UBL3: variants seen among roughly 807,000 people sequenced by gnomAD.
UBL3 encodes the protein ubiquitin-like protein 3.
A neutral mutation model predicts 18.4 loss-of-function variants in UBL3; 6 were observed. That is an observed-to-expected ratio of 0.33 (90% CI 0.18 to 0.64). UBL3 has a LOEUF of 0.64. UBL3 is among the 30% of genes least tolerant of loss of function. UBL3 has a pLI of 0.76. For synonymous variants in UBL3, 49 were observed against 46.6 expected (o/e 1.05, Z -0.21); for missense variants, 109 against 142.9 (o/e 0.76, Z 1.21).
Position 29,796,788 on chromosome 13 carries a change from C to G in UBL3, c.28-19525G>C, listed in dbSNP as rs537382704. On this transcript the variant is annotated intron_variant, in intron 1 of 4. Transcript: ENST00000380680. ...AAATGATTTCATCTTGGATCTCTAC[C>G]ATGACTTGGTCTCCATTCTGATCAC... is the stretch of plus-strand genomic sequence containing the variant. Among the ~76,000 whole-genome samples, 52 of 152,286 alleles carry G rather than the reference C, an allele frequency of 3.4e-4. No homozygotes were observed. The South Asian group carries it at 0.011, about 31-fold the overall frequency.
chr13:29,767,390 T>C (rs936111201), intron 4 of UBL3, 83 bp from the exon 5 acceptor site: 61 of 1,510,408 alleles, frequency 4.0e-5, no homozygotes, highest in African/African-American at 1.7e-4. Context: ...GTGTAGGAAG[T>C]AGTAGTTTTG....
At chr13:29,825,946 G>A (rs1878607354) in intron 1 of UBL3, among the ~76,000 whole-genome samples, 1 of 152,176 alleles carries the variant, frequency 6.6e-6, no homozygotes, top group Admixed American at 6.5e-5. Flanking sequence ...TGCATCTATT[G>A]AGATAATCAT....
chr13:29,767,219 CAA>C lies in UBL3; in HGVS notation c.*34_*35del. ...TTTTCTGTCCCAGCAGCATGAAAGA[CAA>C]AGACTATATCACATCACACTAGGCA... On this transcript the variant is annotated 3_prime_UTR_variant, in exon 5 of 5. Transcript: ENST00000380680. The C allele has an allele frequency of 6.2e-7, 1 of 1,609,248 alleles. No individual in the cohort carries two copies.
intron 1 of UBL3, among the ~76,000 whole-genome samples, chr13:29,818,956 G>A (rs1444723009): frequency 1.3e-5 from 2 of 152,052 alleles, no homozygotes; most frequent in Admixed American, 1.3e-4. Context: ...AATTTTTAAG[G>A]TGTGATAAGA....
intron 1 of UBL3, among the ~76,000 whole-genome samples, chr13:29,837,506 G>C (rs1878987910): frequency 6.6e-6 from 1 of 152,164 alleles, no homozygotes; most frequent in African/African-American, 2.4e-5. Context: ...ACAGTGACAT[G>C]ACCTAACATA....
At chr13:29,810,244 G>T (rs1289829522) in intron 1 of UBL3, among the ~76,000 whole-genome samples, 1 of 152,040 alleles carries the variant, frequency 6.6e-6, no homozygotes, top group Non-Finnish European at 1.5e-5. Flanking sequence ...AACTGGCCAC[G>T]TGATTAAGGA....
chr13:29,771,971 G>A (rs535098024), intron 3 of UBL3, 141 bp downstream of exon 3: 11 of 676,406 alleles, frequency 1.6e-5, no homozygotes, highest in Non-Finnish European at 2.5e-5. Context: ...ATGTGAAGGA[G>A]TAGGCATACC....
chr13:29,823,434 G>A lies in UBL3; in HGVS notation c.27+26078C>T, dbSNP rs577955724. On this transcript the variant is annotated intron_variant, in intron 1 of 4. Transcript: ENST00000380680. ...TGGGATTACAGGCGTGAGCCACTGC[G>A]CCCGGCTGCAAATTTAGATCTTTAA... Among the ~76,000 whole-genome samples the A allele has an allele frequency of 4.2e-4, 64 of 152,324 alleles. 1 individual carries two copies. The highest frequency in any genetic ancestry group is 5.2e-4 in the Admixed American group (8 of 15,312).
In UBL3 at chr13:29,767,344, T is replaced by C. The variant is rs1277635252; in HGVS notation, c.302-37A>G. The C allele has an allele frequency of 5.6e-6, 9 of 1,611,812 alleles. No individual in the cohort carries two copies. In the African/African-American group the frequency reaches 1.2e-4, roughly 22 times the overall value. ...GAAGAAGAGCCTCGTTTATAAAAATTCTAGAACTGGAGGGGAAAATGGGCT... is the reference window on the plus strand; with the variant it reads ...GAAGAAGAGCCTCGTTTATAAAAATCCTAGAACTGGAGGGGAAAATGGGCT... On this transcript the variant is annotated intron_variant, in intron 4 of 4. Coordinates refer to ENST00000380680, the MANE Select transcript of UBL3 (RefSeq NM_007106.4).
intron 1 of UBL3, among the ~76,000 whole-genome samples, chr13:29,820,612 T>C (rs946298982): frequency 6.6e-6 from 1 of 152,216 alleles, no homozygotes; most frequent in Non-Finnish European, 1.5e-5. Context: ...TTAAAAACTA[T>C]TATATCAAGC....
At chr13:29,836,397 C>T (rs575539693) in intron 1 of UBL3, among the ~76,000 whole-genome samples, 2 of 151,564 alleles carry the variant, frequency 1.3e-5, no homozygotes, top group South Asian at 4.2e-4. Flanking sequence ...AACCAGGGTA[C>T]GAAAAGAAAA....
At chr13:29,834,207 A>G (rs1031041908) in intron 1 of UBL3, among the ~76,000 whole-genome samples, 2 of 151,956 alleles carry the variant, frequency 1.3e-5, no homozygotes, top group African/African-American at 4.8e-5. Context: ...AAAAGGAGTA[A>G]GAAGAACAGA....
At chr13:29,836,841 T>C (rs1878973454) in intron 1 of UBL3, among the ~76,000 whole-genome samples, 1 of 152,162 alleles carries the variant, frequency 6.6e-6, no homozygotes, top group South Asian at 2.1e-4. Context: ...TGGACTGAAA[T>C]TCAGAAAATC....
At chr13:29,793,636 A>G (rs1318680033) in intron 1 of UBL3, among the ~76,000 whole-genome samples, 4 of 152,216 alleles carry the variant, frequency 2.6e-5, no homozygotes, top group African/African-American at 9.6e-5. Context: ...ACTCACTTCT[A>G]TTATCTACAA....
intron 1 of UBL3, among the ~76,000 whole-genome samples, chr13:29,783,718 G>T (rs1333333067): frequency 1.3e-5 from 2 of 152,014 alleles, no homozygotes; most frequent in Non-Finnish European, 2.9e-5. Context: ...ATTAGTGAAA[G>T]GCCTTTTTAC....
intron 1 of UBL3, among the ~76,000 whole-genome samples, chr13:29,790,193 G>C (rs1004513938): frequency 6.6e-6 from 1 of 152,110 alleles, no homozygotes; most frequent in Non-Finnish European, 1.5e-5. Context: ...AGTAAAAAGA[G>C]AACGTTATTT....
chr13:29,807,207 A>C (rs560045236), intron 1 of UBL3, among the ~76,000 whole-genome samples: 1 of 152,314 alleles, frequency 6.6e-6, no homozygotes, highest in East Asian at 1.9e-4. Context: ...CATTTTCTAT[A>C]ATGTCAAGCC....
chr13:29,802,124 G>T (rs1877787313), intron 1 of UBL3, among the ~76,000 whole-genome samples: 1 of 152,222 alleles, frequency 6.6e-6, no homozygotes, highest in African/African-American at 2.4e-5. Flanking sequence ...TGGAGCAACA[G>T]CCTACCTACT....
intron 1 of UBL3, among the ~76,000 whole-genome samples, chr13:29,810,516 T>C (rs1350061735): frequency 6.6e-6 from 1 of 152,102 alleles, no homozygotes; most frequent in Non-Finnish European, 1.5e-5. Context: ...AAAGGCCAGA[T>C]GCTGTACTGT....
Sources: gnomAD v4.1 joint callset for allele counts (sites outside exome capture counted in the v4.1 genomes callset) on GRCh38, gnomAD v4.1.1 for gene constraint, MANE v1.5 for transcripts, NCBI Gene and HGNC (gene_info 2026-07-23, HGNC 2026-07-21) for gene names.